The following NPAS3 variants were observed in gnomAD, a reference collection of about 807,000 sequenced individuals.
NPAS3 encodes neuronal PAS domain-containing protein 3.
Under a neutral mutation model 73.1 loss-of-function variants are expected in NPAS3, and 14 were observed. The observed-to-expected ratio is 0.19, with a 90% confidence interval of 0.13 to 0.30. The LOEUF (loss-of-function observed/expected upper bound fraction) is 0.30. NPAS3 is among the 10% of genes least tolerant of loss of function. The pLI is 1.00. For missense variants in NPAS3, 1,096 were observed against 1,250.0 expected, an observed-to-expected ratio of 0.88 and a Z score of 1.86; for synonymous variants, 620 against 541.5, an observed-to-expected ratio of 1.14 and a Z score of -2.01.
intron 1 of NPAS3, among the ~76,000 whole-genome samples, chr14:33,022,212 G>A (rs1029086098): frequency 1.1e-4 from 16 of 152,312 alleles, no homozygotes; most frequent in Middle Eastern, 3.4e-3. Flanking sequence ...GGAAAATAAT[G>A]AAGACAGAGA....
intron 6 of NPAS3, among the ~76,000 whole-genome samples, chr14:33,693,895 T>G (rs942709364): frequency 1.3e-5 from 2 of 152,168 alleles, no homozygotes; most frequent in Non-Finnish European, 2.9e-5. Flanking sequence ...TTCATCATAA[T>G]TATTTCCAAG....
chr14:33,066,006 C>T (rs2041265706), intron 2 of NPAS3, among the ~76,000 whole-genome samples: 1 of 152,030 alleles, frequency 6.6e-6, no homozygotes, highest in South Asian at 2.1e-4. Flanking sequence ...AGCATCCTGT[C>T]CTGTGTGCTT....
At chr14:33,537,899 C>T (rs1022444347) in intron 4 of NPAS3, among the ~76,000 whole-genome samples, 1 of 152,158 alleles carries the variant, frequency 6.6e-6, no homozygotes, top group East Asian at 1.9e-4. Flanking sequence ...CTCGCCTTGA[C>T]GATCTGAGCT....
intron 2 of NPAS3, among the ~76,000 whole-genome samples, chr14:33,149,272 C>T (rs2044360419): frequency 6.6e-6 from 1 of 152,212 alleles, no homozygotes; most frequent in Non-Finnish European, 1.5e-5. Context: ...TGTGCCTCCT[C>T]TTGTTATTCC....
intron 3 of NPAS3, among the ~76,000 whole-genome samples, chr14:33,339,669 G>T (rs981953838): frequency 4.6e-5 from 7 of 152,162 alleles, no homozygotes; most frequent in Non-Finnish European, 7.3e-5. Flanking sequence ...GCTGATTTTA[G>T]TCCTGTCAAA....
intron 6 of NPAS3, among the ~76,000 whole-genome samples, chr14:33,733,029 T>C (rs1037230411): frequency 1.3e-5 from 2 of 152,192 alleles, no homozygotes; most frequent in Non-Finnish European, 2.9e-5. Flanking sequence ...CCTTACTGGG[T>C]CAGGGGCTCC....
chr14:33,718,963 C>CA (rs2061030470), intron 6 of NPAS3, among the ~76,000 whole-genome samples: 1 of 151,962 alleles, frequency 6.6e-6, no homozygotes, highest in Non-Finnish European at 1.5e-5. Flanking sequence ...CCCATCTCTA[C>CA]AAAAAATACA....
chr14:33,718,814 T>G (rs1464651477), intron 6 of NPAS3, among the ~76,000 whole-genome samples: 2 of 152,138 alleles, frequency 1.3e-5, no homozygotes, highest in East Asian at 1.9e-4. Context: ...GTTGAGGAGA[T>G]GCATAACTCA....
At position 33,774,324 on chromosome 14, in the gene NPAS3, T is replaced by C. The variant is rs1350553322; in HGVS notation, c.853-13T>C. On this transcript the variant is annotated splice_polypyrimidine_tract_variant and intron_variant, in intron 7 of 11. Transcript: ENST00000356141. ...AATTTGACTGGTGTCCTGTACTTAA[T>C]GTTGTTTTACAGGTGATTCACATAA... 12 of 1,608,542 alleles carry C rather than the reference T, an allele frequency of 7.5e-6. No homozygotes were observed. The highest frequency in any genetic ancestry group is 3.3e-5 in the South Asian group (3 of 90,840).
intron 4 of NPAS3, among the ~76,000 whole-genome samples, chr14:33,418,367 A>G (rs554035114): frequency 3.9e-5 from 6 of 152,106 alleles, no homozygotes; most frequent in Admixed American, 2.0e-4. Context: ...GATAATAGAT[A>G]GTAGGGAAGC....
At chr14:32,941,635 A>G (rs1360323766) in intron 1 of NPAS3, among the ~76,000 whole-genome samples, 5 of 151,982 alleles carry the variant, frequency 3.3e-5, no homozygotes, top group Non-Finnish European at 7.4e-5. Context: ...TTGAAGTTGT[A>G]GGAGGATATA....
intron 4 of NPAS3, among the ~76,000 whole-genome samples, chr14:33,498,937 TGTGTGTG>T (rs2052372854): frequency 2.7e-5 from 1 of 36,812 alleles, no homozygotes; most frequent in African/African-American, 1.7e-4. Flanking sequence ...AGAGAGAGAG[TGTGTGTG>T]TGTGTGTGTG....
At chr14:33,231,750 T>C (rs12881592) in intron 3 of NPAS3, among the ~76,000 whole-genome samples, 40,308 of 152,086 alleles carry the variant, frequency 0.27, 5,582 homozygotes, top group Non-Finnish European at 0.31. Flanking sequence ...CTGTTCTTTA[T>C]GTGCAAAAGA....
intron 2 of NPAS3, among the ~76,000 whole-genome samples, chr14:33,196,555 T>C (rs1397824690): frequency 6.6e-6 from 1 of 152,182 alleles, no homozygotes; most frequent in Admixed American, 6.5e-5. Context: ...TGGGTGGCTC[T>C]CCAGCGGGAT....
intron 5 of NPAS3, among the ~76,000 whole-genome samples, chr14:33,644,697 G>A (rs77251686): frequency 0.011 from 1,623 of 152,228 alleles, 34 homozygotes; most frequent in African/African-American, 0.037. Flanking sequence ...TCCCAGCCTA[G>A]GGTTCTGTTA....
At chr14:33,554,620 C>T (rs76094155) in intron 4 of NPAS3, among the ~76,000 whole-genome samples, 1,639 of 152,234 alleles carry the variant, frequency 0.011, 32 homozygotes, top group African/African-American at 0.037. Context: ...AGTTAAGTCA[C>T]AGGAAAAGAG....
intron 6 of NPAS3, among the ~76,000 whole-genome samples, chr14:33,692,298 A>G (rs2060256087): frequency 6.6e-6 from 1 of 152,104 alleles, no homozygotes; most frequent in African/African-American, 2.4e-5. Context: ...CCTCCCTCCA[A>G]TGGGTCTTGA....
At chr14:33,171,998 G>A (rs967413824) in intron 2 of NPAS3, among the ~76,000 whole-genome samples, 1 of 152,134 alleles carries the variant, frequency 6.6e-6, no homozygotes, top group Non-Finnish European at 1.5e-5. Flanking sequence ...AGAGAGAAGA[G>A]CCAGTCAGTG....
intron 4 of NPAS3, among the ~76,000 whole-genome samples, chr14:33,519,905 C>T (rs1274400601): frequency 6.6e-6 from 1 of 152,034 alleles, no homozygotes; most frequent in Non-Finnish European, 1.5e-5. Flanking sequence ...ACGTTAGGGG[C>T]CCAGCAGATC....
Sources: gnomAD v4.1 joint callset for allele counts (sites outside exome capture counted in the v4.1 genomes callset) on GRCh38, gnomAD v4.1.1 for gene constraint, MANE v1.5 for transcripts, NCBI Gene and HGNC (gene_info 2026-07-23, HGNC 2026-07-21) for gene names.